The following SPATA6L variants were observed in gnomAD, a reference collection of about 807,000 sequenced individuals.
SPATA6L encodes the protein spermatogenesis associated 6 like.
Under a neutral mutation model 49.2 loss-of-function variants are expected in SPATA6L, and 68 were observed. The observed-to-expected ratio is 1.38, with a 90% CI of 1.14 to 1.69. The LOEUF is 1.69. SPATA6L is among the 40% of genes most tolerant of loss of function. The probability of loss-of-function intolerance (pLI) is 0.00; values close to 1 mark genes in which losing one functional copy is unlikely to be tolerated. For synonymous variants in SPATA6L, 198 were observed against 165.7 expected (o/e 1.19, Z -1.50); for missense variants, 668 against 464.3 (o/e 1.44, Z -4.03).
At chr9:4,624,505 A>G (rs1258244648) in intron 6 of SPATA6L, among the ~76,000 whole-genome samples, 2 of 152,138 alleles carry the variant, frequency 1.3e-5, no homozygotes, top group Non-Finnish European at 2.9e-5. Flanking sequence ...ATGTGGGTGG[A>G]TCATCTGAGG....
At chr9:4,595,150 T>C (rs762240518), downstream of SPATA6L, among the ~76,000 whole-genome samples, 1 of 152,312 alleles carries the variant, frequency 6.6e-6, no homozygotes, top group East Asian at 1.9e-4. Flanking sequence ...CAATACCTCA[T>C]TCTGCTGACT....
chr9:4,618,869 C>T lies in SPATA6L; in HGVS notation c.802G>A (p.Val268Ile), dbSNP rs752801134. 9.9e-6 allele frequency: 16 copies of T among 1,612,446 alleles called. No individual in the cohort carries two copies. The highest frequency in any genetic ancestry group is 1.2e-5 in the Non-Finnish European group (14 of 1,179,012). ...AATTCTACTTCTAAAATTACCTTTA[C>T]GTTAGCTGCAAGGCTGTCAAGAGAA... ...ASSLDSLAANVKVIKEPDERI... is the reference protein window; with the variant it reads ...ASSLDSLAANIKVIKEPDERI... The change falls in exon 8 of 12, where the codon GTA becomes ATA. Residue 268 changes from valine to isoleucine, a missense_variant. Transcript: ENST00000682582.
At chr9:4,604,409 T>C in intron 10 of SPATA6L, 140 bp from the exon 11 acceptor site, 1 of 507,690 alleles carries the variant, frequency 2.0e-6, no homozygotes, top group Non-Finnish European at 3.5e-6. Flanking sequence ...TATGTGTGTA[T>C]ATAGAATCTT....
downstream of SPATA6L, among the ~76,000 whole-genome samples, chr9:4,598,076 T>C (rs910500234): frequency 3.9e-5 from 6 of 152,206 alleles, no homozygotes; most frequent in Non-Finnish European, 7.3e-5. Context: ...ATCTCTTTTA[T>C]AATTCATGGC....
intron 9 of SPATA6L, 33 bp from the exon 10 acceptor site, chr9:4,605,473 A>C: frequency 1.3e-6 from 2 of 1,508,468 alleles, no homozygotes; most frequent in Non-Finnish European, 1.8e-6. Context: ...TGGAATATTA[A>C]GCAGCTACTA....
intron 1 of SPATA6L, chr9:4,663,420 A>G (rs1368409455): frequency 2.5e-6 from 2 of 803,210 alleles, no homozygotes; most frequent in South Asian, 1.8e-5. Flanking sequence ...GCTAGGCTGG[A>G]GCACACACTG....
rs1321160813 is a variant in SPATA6L, at chr9:4,600,769, T to A, written c.*42A>T. On this transcript the variant is annotated 3_prime_UTR_variant, in exon 12 of 12. Coordinates refer to ENST00000682582, the MANE Select transcript of SPATA6L (RefSeq NM_001353486.2). The stretch of plus-strand genomic sequence containing the variant: ...AGGATGCTTCAATTGTCTCAGTGAG[T>A]GAGCTCTTCATGATTCTCCTTAAGC... The A allele has an allele frequency of 1.3e-5, 2 of 152,220 alleles. No individual in the cohort carries two copies. Among genetic ancestry groups the A allele is most frequent in the Non-Finnish European group, 2.9e-5 (2 of 68,036 alleles). The allele number at this position is 152,220 out of a possible 1,614,324, so 9.4% of individuals were successfully genotyped here. A position where few individuals can be genotyped will look rare whatever the true frequency, so the allele number is the denominator to read the frequency against.
At chr9:4,663,024 A>C (rs1328635054) in intron 1 of SPATA6L, 3 of 1,613,576 alleles carry the variant, frequency 1.9e-6, no homozygotes, top group African/African-American at 1.3e-5. Flanking sequence ...CCATGCCACA[A>C]GGGCCGCCCT....
At position 4,662,956 on chromosome 9, in the gene SPATA6L, A is replaced by T; in HGVS notation, c.40-920T>A. Reference sequence around the variant, plus strand: ...CTGGTCCGCAGGCGCCGCCCGGCCCACAACCAGATGGACATGTTTGTCACT... The same window carrying T: ...CTGGTCCGCAGGCGCCGCCCGGCCCTCAACCAGATGGACATGTTTGTCACT... On this transcript the variant is annotated intron_variant, in intron 1 of 11. Coordinates refer to ENST00000682582, the MANE Select transcript of SPATA6L (RefSeq NM_001353486.2). The surrounding 1 kb of genome is among the most constrained non-coding windows in gnomAD (Gnocchi z 4.9). 2 of 1,611,880 alleles carry T rather than the reference A, an allele frequency of 1.2e-6. No individual in the cohort carries two copies. Among genetic ancestry groups the T allele is most frequent in the Non-Finnish European group, 1.7e-6 (2 of 1,179,822 alleles).
intron 5 of SPATA6L, chr9:4,626,623 T>C: frequency 8.4e-7 from 1 of 1,190,018 alleles, no homozygotes; most frequent in Non-Finnish European, 1.1e-6. Context: ...CTTTCAGTCT[T>C]TCTTTCAACC....
In SPATA6L at chr9:4,604,318, G is replaced by A. The variant is rs150944955; in HGVS notation, c.1090-49C>T. ...ATTATGTTACCCATAACATAATAGAGATGGATGATACCCAGATGTGTAGTT... is the reference window on the plus strand; with the variant it reads ...ATTATGTTACCCATAACATAATAGAAATGGATGATACCCAGATGTGTAGTT... On this transcript the variant is annotated intron_variant, in intron 10 of 11. Coordinates refer to ENST00000682582, the MANE Select transcript of SPATA6L (RefSeq NM_001353486.2). 661 of 1,229,800 alleles carry A rather than the reference G, an allele frequency of 5.4e-4. 6 individuals are homozygous for A. In the East Asian group the frequency reaches 0.012, roughly 22 times the overall value. 76.2% of individuals were successfully genotyped at this position (1,229,800 alleles called of 1,614,324 possible). A position where few individuals can be genotyped will look rare whatever the true frequency, so the allele number is the denominator to read the frequency against.
At chr9:4,592,544 C>T (rs897323532) in intron 13 of SPATA6L, among the ~76,000 whole-genome samples, 64 of 152,170 alleles carry the variant, frequency 4.2e-4, no homozygotes, top group African/African-American at 1.5e-3. Flanking sequence ...AAATAGATCG[C>T]TCAGCCATGT....
chr9:4,590,964 T>G (rs908359738), intron 13 of SPATA6L, among the ~76,000 whole-genome samples: 2 of 152,106 alleles, frequency 1.3e-5, no homozygotes, highest in African/African-American at 4.8e-5. Context: ...TCGGGGCACT[T>G]GAGGGAATGC....
intron 5 of SPATA6L, 184 bp from the exon 6 acceptor site, chr9:4,625,750 C>T (rs1253827695): frequency 4.6e-6 from 2 of 434,880 alleles, no homozygotes; most frequent in Non-Finnish European, 7.9e-6. Flanking sequence ...AGTTTAACAT[C>T]AGTAGTATTT....
chr9:4,624,041 C>A (rs1416947834), intron 6 of SPATA6L, among the ~76,000 whole-genome samples: 1 of 152,148 alleles, frequency 6.6e-6, no homozygotes, highest in African/African-American at 2.4e-5. Context: ...CTCAACAGCA[C>A]CTTCACTTCG....
chr9:4,612,117 G>A (rs756694174), intron 9 of SPATA6L, among the ~76,000 whole-genome samples: 8 of 151,974 alleles, frequency 5.3e-5, no homozygotes, highest in Non-Finnish European at 1.0e-4. Context: ...TGGGACTACA[G>A]GTATGCACCA....
At chr9:4,626,496 T>C (rs1171005490) in intron 5 of SPATA6L, 1 of 1,304,378 alleles carries the variant, frequency 7.7e-7, no homozygotes, top group Non-Finnish European at 1.0e-6. Context: ...TTCTGTTCAG[T>C]TTCTTCTTTA....
chr9:4,589,019 T>A (rs1821734168), intron 13 of SPATA6L: 4 of 152,310 alleles, frequency 2.6e-5, no homozygotes, highest in African/African-American at 9.6e-5. Flanking sequence ...GAAGCTTCTA[T>A]GCAACAGGAT....
chr9:4,623,028 C>T (rs1829683461), intron 6 of SPATA6L, among the ~76,000 whole-genome samples: 1 of 152,102 alleles, frequency 6.6e-6, no homozygotes, highest in African/African-American at 2.4e-5. Context: ...ACCTGTAATC[C>T]CACCACTTTG....
Sources: allele counts gnomAD v4.1 joint callset (sites outside exome capture counted in the v4.1 genomes callset), GRCh38; gene constraint gnomAD v4.1.1; non-coding constraint Gnocchi (gnomAD v3.1); transcripts MANE v1.5; gene names NCBI Gene and HGNC (gene_info 2026-07-23, HGNC 2026-07-21).